The following KHDRBS2 variants were observed in gnomAD, a reference collection of about 807,000 sequenced individuals.
KHDRBS2 encodes KH RNA binding domain containing, signal transduction associated 2.
A neutral mutation model predicts 44.3 loss-of-function variants in KHDRBS2; 26 were observed. The observed-to-expected ratio is 0.59, with a 90% CI of 0.43 to 0.81. The LOEUF (loss-of-function observed/expected upper bound fraction) is 0.81, where lower values mean the gene tolerates loss of function less well. Among genes scored for constraint, KHDRBS2 ranks in the 40% least tolerant of loss-of-function variants. KHDRBS2 has a pLI of 0.00. For missense variants in KHDRBS2, 476 were observed against 433.1 expected, an observed-to-expected ratio of 1.10 and a Z score of -0.88; for synonymous variants, 194 against 151.1, an observed-to-expected ratio of 1.28 and a Z score of -2.08.
intron 1 of KHDRBS2, among the ~76,000 whole-genome samples, chr6:62,215,258 C>A (rs1318206431): frequency 6.6e-6 from 1 of 151,890 alleles, no homozygotes; most frequent in African/African-American, 2.4e-5. Context: ...CCTCACCTAC[C>A]CACATGCAGT....
the KHDRBS2 span, among the ~76,000 whole-genome samples, chr6:61,607,940 G>C: frequency 1.3e-5 from 2 of 152,132 alleles, no homozygotes; most frequent in Non-Finnish European, 2.9e-5. Flanking sequence ...CGCCTACCTT[G>C]GCCTCCCAAA....
At chr6:61,890,393 G>A (rs1801639928) in intron 6 of KHDRBS2, among the ~76,000 whole-genome samples, 1 of 151,944 alleles carries the variant, frequency 6.6e-6, no homozygotes, top group Admixed American at 6.6e-5. Context: ...AACTCTTTAT[G>A]CTTTTGTTGA....
chr6:61,691,561 A>C (rs1239274094), intron 8 of KHDRBS2, among the ~76,000 whole-genome samples: 1 of 152,080 alleles, frequency 6.6e-6, no homozygotes, highest in Non-Finnish European at 1.5e-5. Context: ...AAATCTCAGA[A>C]AAAATAAATT....
At chr6:61,869,693 A>T (rs496353) in intron 6 of KHDRBS2, among the ~76,000 whole-genome samples, 26 of 151,880 alleles carry the variant, frequency 1.7e-4, no homozygotes, top group African/African-American at 6.1e-4. Context: ...GACAGTGGGT[A>T]CAGCTCATGG....
At chr6:62,137,500 G>C (rs1286893642) in intron 2 of KHDRBS2, among the ~76,000 whole-genome samples, 1 of 152,112 alleles carries the variant, frequency 6.6e-6, no homozygotes, top group African/African-American at 2.4e-5. Flanking sequence ...ATTATAAATG[G>C]TACTTATAAA....
chr6:61,769,723 G>C (rs1240427106), intron 6 of KHDRBS2, among the ~76,000 whole-genome samples: 1 of 152,240 alleles, frequency 6.6e-6, no homozygotes. Flanking sequence ...ACAGTTCAAG[G>C]AGGCCTGCCT....
chr6:62,043,351 G>T (rs1398911639), intron 3 of KHDRBS2, among the ~76,000 whole-genome samples: 1 of 152,024 alleles, frequency 6.6e-6, no homozygotes, highest in East Asian at 1.9e-4. Context: ...TGGCCATATG[G>T]TATATGAAGG....
chr6:61,636,693 G>A, the KHDRBS2 span, among the ~76,000 whole-genome samples: 2 of 152,090 alleles, frequency 1.3e-5, no homozygotes, highest in Non-Finnish European at 2.9e-5. Context: ...CCACCACTAA[G>A]AAGTATCTGA....
Position 61,997,981 on chromosome 6 carries a change from C to T in KHDRBS2, c.337-19769G>A, listed in dbSNP as rs769024514. Among the ~76,000 whole-genome samples the T allele has an allele frequency of 3.9e-5, 6 of 152,192 alleles. No individual in the cohort carries two copies. The East Asian group carries it at 5.8e-4, about 15-fold the overall frequency. On this transcript the variant is annotated intron_variant, in intron 3 of 8. Coordinates refer to ENST00000281156, the MANE Select transcript of KHDRBS2 (RefSeq NM_152688.4). The stretch of plus-strand genomic sequence containing the variant: ...GAGCCTAAAATCAACTGGAATTAAC[C>T]GGCCTGGTTTACTAATGTTCTCTAA...
At chr6:61,638,238 A>G in the KHDRBS2 span, among the ~76,000 whole-genome samples, 22 of 152,018 alleles carry the variant, frequency 1.4e-4, no homozygotes, top group African/African-American at 4.1e-4. Flanking sequence ...GAGGCATCAC[A>G]CTACCTGACT....
chr6:61,674,620 C>T, the KHDRBS2 span, among the ~76,000 whole-genome samples: 1 of 151,652 alleles, frequency 6.6e-6, no homozygotes, highest in Non-Finnish European at 1.5e-5. Context: ...GCTATATACC[C>T]TTATATCAAT....
rs555355117 is a variant in KHDRBS2, at chr6:61,984,697, G to C, written c.337-6485C>G. 2.1e-3 allele frequency among the ~76,000 whole-genome samples: 323 copies of C among 152,254 alleles called. 1 individual carries two copies. The highest frequency in any genetic ancestry group is 7.3e-3 in the African/African-American group (303 of 41,536). On this transcript the variant is annotated intron_variant, in intron 3 of 8. Coordinates refer to ENST00000281156, the MANE Select transcript of KHDRBS2 (RefSeq NM_152688.4). The stretch of plus-strand genomic sequence containing the variant: ...TATAAACTTTATCTCTGGCTATTCA[G>C]TGAACTACTCAGTACTGAGCAACTG...
chr6:62,076,461 T>G (rs1290792606), intron 2 of KHDRBS2, among the ~76,000 whole-genome samples: 1 of 152,034 alleles, frequency 6.6e-6, no homozygotes, highest in Non-Finnish European at 1.5e-5. Flanking sequence ...TCAAGGTTCA[T>G]TAAGTGGCTC....
intron 2 of KHDRBS2, among the ~76,000 whole-genome samples, chr6:62,062,918 T>C (rs1181439287): frequency 2.0e-5 from 3 of 148,846 alleles, no homozygotes; most frequent in Non-Finnish European, 4.5e-5. Flanking sequence ...AAGAATCAAA[T>C]AGACGCAATA....
At chr6:62,163,367 C>T (rs1167462750) in intron 2 of KHDRBS2, among the ~76,000 whole-genome samples, 1 of 152,052 alleles carries the variant, frequency 6.6e-6, no homozygotes, top group Non-Finnish European at 1.5e-5. Context: ...GCAATGTCTA[C>T]ACAATATGCT....
the KHDRBS2 span, among the ~76,000 whole-genome samples, chr6:61,556,824 T>TC: frequency 1.3e-5 from 2 of 148,964 alleles, no homozygotes; most frequent in Admixed American, 1.3e-4. Context: ...TTTAATAAAA[T>TC]TAATAATAGT....
At chr6:62,125,253 A>C (rs370206672) in intron 2 of KHDRBS2, among the ~76,000 whole-genome samples, 2 of 152,338 alleles carry the variant, frequency 1.3e-5, no homozygotes, top group African/African-American at 4.8e-5. Flanking sequence ...GCATTGTCAC[A>C]ATAGAAAGCA....
At chr6:61,829,331 T>G (rs1327307484) in intron 6 of KHDRBS2, among the ~76,000 whole-genome samples, 3 of 152,054 alleles carry the variant, frequency 2.0e-5, no homozygotes, top group African/African-American at 4.8e-5. Flanking sequence ...TCAGCTAAAT[T>G]TTTTTGTATT....
At chr6:62,093,169 AATAAAACAGG>A (rs1799800034) in intron 2 of KHDRBS2, among the ~76,000 whole-genome samples, 3 of 152,008 alleles carry the variant, frequency 2.0e-5, no homozygotes, top group Non-Finnish European at 4.4e-5. Flanking sequence ...CAATATGTAC[AATAAAACAGG>A]ATAAAACTAA....
Sources: gnomAD v4.1 joint callset for allele counts (sites outside exome capture counted in the v4.1 genomes callset) on GRCh38, gnomAD v4.1.1 for gene constraint, MANE v1.5 for transcripts, NCBI Gene and HGNC (gene_info 2026-07-23, HGNC 2026-07-21) for gene names.